FBXW7: variants seen among roughly 807,000 people sequenced by gnomAD.
FBXW7 encodes F-box/WD repeat-containing protein 7.
A neutral mutation model predicts 86.3 loss-of-function variants in FBXW7; 11 were observed. That is an observed-to-expected ratio of 0.13 (90% CI 0.08 to 0.21). The LOEUF is 0.21. FBXW7 is among the 10% of genes least tolerant of loss of function. The probability of loss-of-function intolerance (pLI) is 1.00; values close to 1 mark genes in which losing one functional copy is unlikely to be tolerated. For missense variants in FBXW7, 488 were observed against 847.4 expected (o/e 0.58, Z 5.27); for synonymous variants, 313 against 297.9 (o/e 1.05, Z -0.52).
chr4:152,383,530 T>C (rs944089920), intron 4 of FBXW7, among the ~76,000 whole-genome samples: 5 of 152,174 alleles, frequency 3.3e-5, no homozygotes, highest in African/African-American at 1.2e-4. Context: ...GAACTATCCA[T>C]TCACAGTGCT....
intron 2 of FBXW7, among the ~76,000 whole-genome samples, chr4:152,435,714 T>A (rs1740318767): frequency 6.6e-6 from 1 of 152,222 alleles, no homozygotes. Context: ...GGACTGCAGT[T>A]TACTGCACTT....
At chr4:152,419,643 A>T (rs1579151018) in intron 2 of FBXW7, among the ~76,000 whole-genome samples, 3 of 152,212 alleles carry the variant, frequency 2.0e-5, no homozygotes, top group African/African-American at 7.2e-5. Flanking sequence ...ACAGAGGAGG[A>T]GGTTAATGAT....
intron 2 of FBXW7, among the ~76,000 whole-genome samples, chr4:152,429,895 G>A (rs911254160): frequency 6.6e-6 from 1 of 152,148 alleles, no homozygotes; most frequent in South Asian, 2.1e-4. Flanking sequence ...AAGATTTTCT[G>A]CTAATATTTT....
intron 2 of FBXW7, among the ~76,000 whole-genome samples, chr4:152,440,356 A>C (rs1740776057): frequency 6.6e-6 from 1 of 152,218 alleles, no homozygotes; most frequent in South Asian, 2.1e-4. Flanking sequence ...AGGAGAAAGC[A>C]GTACATACTG....
chr4:152,471,920 T>C (rs1744003018), intron 2 of FBXW7, among the ~76,000 whole-genome samples: 1 of 151,504 alleles, frequency 6.6e-6, no homozygotes, highest in Non-Finnish European at 1.5e-5. Flanking sequence ...AAATAAAATT[T>C]AAATAAATTA....
intron 2 of FBXW7, among the ~76,000 whole-genome samples, chr4:152,516,700 T>C (rs578011777): frequency 6.6e-6 from 1 of 152,364 alleles, no homozygotes; most frequent in South Asian, 2.1e-4. Context: ...TAAGCGGTAA[T>C]ACTAATCTCA....
At chr4:152,533,083 G>A (rs1049815070) in intron 2 of FBXW7, among the ~76,000 whole-genome samples, 12 of 152,036 alleles carry the variant, frequency 7.9e-5, no homozygotes, top group African/African-American at 2.9e-4. Flanking sequence ...CCAGCTATTT[G>A]GGAGGCTGAG....
At chr4:152,487,145 C>A (rs1239806327) in intron 2 of FBXW7, among the ~76,000 whole-genome samples, 2 of 152,114 alleles carry the variant, frequency 1.3e-5, no homozygotes, top group East Asian at 1.9e-4. Flanking sequence ...TGTAGAAAAT[C>A]ATTTTGCAAG....
intron 4 of FBXW7, among the ~76,000 whole-genome samples, chr4:152,397,492 C>A (rs1173945339): frequency 6.6e-6 from 1 of 151,812 alleles, no homozygotes; most frequent in Non-Finnish European, 1.5e-5. Context: ...ACTGCAGCCT[C>A]AAACTCCTGG....
At chr4:152,472,334 AT>A (rs1018685472) in intron 2 of FBXW7, among the ~76,000 whole-genome samples, 4 of 152,336 alleles carry the variant, frequency 2.6e-5, no homozygotes, top group East Asian at 1.9e-4. Flanking sequence ...GCACAAAAAA[AT>A]ATGTACGAGA....
chr4:152,329,908 A>T (rs1266323531), intron 9 of FBXW7, 123 bp from the exon 10 acceptor site: 2 of 469,842 alleles, frequency 4.3e-6, no homozygotes, highest in African/African-American at 4.1e-5. Flanking sequence ...TAGAATTTAA[A>T]TTTATATAAA....
At position 152,503,079 on chromosome 4, in the gene FBXW7, T is replaced by C. The variant is rs548170313; in HGVS notation, c.-120+31862A>G. On this transcript the variant is annotated intron_variant, in intron 2 of 13. Coordinates refer to ENST00000281708, the MANE Select transcript of FBXW7 (RefSeq NM_001349798.2). ...GATGGTAAAGAAATTATTTCAATTA[T>C]AGAAATTTTGTTAGAAAATTATGAG... Among the ~76,000 whole-genome samples the C allele has an allele frequency of 4.6e-5, 7 of 152,322 alleles. No individual in the cohort carries two copies. The East Asian group carries it at 5.8e-4, about 13-fold the overall frequency.
intron 4 of FBXW7, among the ~76,000 whole-genome samples, chr4:152,392,102 T>C (rs1736044466): frequency 6.6e-6 from 1 of 152,160 alleles, no homozygotes; most frequent in Admixed American, 6.6e-5. Context: ...ACATCAAAGA[T>C]ATTATGAACT....
intron 4 of FBXW7, among the ~76,000 whole-genome samples, chr4:152,381,896 T>C (rs1299575755): frequency 6.6e-6 from 1 of 152,150 alleles, no homozygotes; most frequent in Non-Finnish European, 1.5e-5. Flanking sequence ...GTGCTAATAT[T>C]TGTCAACGTA....
At chr4:152,350,856 G>A (rs1169339430) in intron 4 of FBXW7, among the ~76,000 whole-genome samples, 3 of 151,972 alleles carry the variant, frequency 2.0e-5, no homozygotes, top group Non-Finnish European at 3.0e-5. Flanking sequence ...AATCAGTTAT[G>A]CCTCTTCTAT....
intron 2 of FBXW7, among the ~76,000 whole-genome samples, chr4:152,516,766 T>A (rs141268601): frequency 2.0e-5 from 3 of 152,226 alleles, no homozygotes; most frequent in Non-Finnish European, 4.4e-5. Flanking sequence ...TTCTAAGAAT[T>A]TATTTCTTCC....
intron 2 of FBXW7, among the ~76,000 whole-genome samples, chr4:152,429,195 A>AGCAAGAACACTTTAG (rs1739660347): frequency 6.6e-6 from 1 of 152,188 alleles, no homozygotes; most frequent in South Asian, 2.1e-4. Context: ...CATCTCAAAA[A>AGCAAGAACACTTTAG]AAAGAGAACA....
chr4:152,324,085 T>C lies in FBXW7; in HGVS notation c.1855+99A>G, dbSNP rs188981608. On this transcript the variant is annotated intron_variant, in intron 13 of 13. Coordinates refer to ENST00000281708, the MANE Select transcript of FBXW7 (RefSeq NM_001349798.2). ...ATAAACTTTTCTGAAGTAACCATTCTGTATGAGGTTGACTCTTTTTGTGAT... is the reference window on the plus strand; with the variant it reads ...ATAAACTTTTCTGAAGTAACCATTCCGTATGAGGTTGACTCTTTTTGTGAT... The C allele has an allele frequency of 6.8e-4, 589 of 864,812 alleles. 1 individual carries two copies. Among genetic ancestry groups the C allele is most frequent in the Non-Finnish European group, 9.4e-4 (516 of 547,352 alleles). 53.6% of individuals were successfully genotyped at this position (864,812 alleles called of 1,614,324 possible). A position where few individuals can be genotyped will look rare whatever the true frequency, so the allele number is the denominator to read the frequency against.
Position 152,403,431 on chromosome 4 carries a change from T to C in FBXW7, c.501+7872A>G, listed in dbSNP as rs962300890. Among the ~76,000 whole-genome samples, 6 of 151,264 alleles carry C rather than the reference T, an allele frequency of 4.0e-5. No homozygotes were observed. The East Asian group carries it at 5.8e-4, about 15-fold the overall frequency. Reference sequence around the variant, plus strand: ...AGGTGGAGGCTGCAGTGAGCTGAGATTGCACCACTGCACTCCAGCCTGGGC... The same window carrying C: ...AGGTGGAGGCTGCAGTGAGCTGAGACTGCACCACTGCACTCCAGCCTGGGC... On this transcript the variant is annotated intron_variant, in intron 4 of 13. Coordinates refer to ENST00000281708, the MANE Select transcript of FBXW7 (RefSeq NM_001349798.2).
Sources: allele counts gnomAD v4.1 joint callset (sites outside exome capture counted in the v4.1 genomes callset), GRCh38; gene constraint gnomAD v4.1.1; transcripts MANE v1.5; gene names NCBI Gene and HGNC (gene_info 2026-07-23, HGNC 2026-07-21).